DAPK1: variants seen among roughly 807,000 people sequenced by gnomAD.
DAPK1 encodes the protein death-associated protein kinase 1.
Under a neutral mutation model 144.9 loss-of-function variants are expected in DAPK1, and 56 were observed. The ratio of observed to expected loss-of-function variants is 0.39; its 90% CI spans 0.31 to 0.48. DAPK1 has a LOEUF of 0.48. DAPK1 is among the 20% of genes least tolerant of loss of function. DAPK1 has a pLI of 0.95. For synonymous variants in DAPK1, 690 were observed against 749.0 expected (o/e 0.92, Z 1.29); for missense variants, 1,454 against 1,875.4 (o/e 0.78, Z 4.15).
chr9:87,647,510 G>A (rs2274606), intron 14 of DAPK1, 107 bp downstream of exon 14: 88,488 of 916,792 alleles, frequency 0.097, 4,826 homozygotes, highest in Middle Eastern at 0.13. Context: ...AAGGAATCAG[G>A]ACCAGAATTC....
At chr9:87,672,333 G>T (rs1824200502) in intron 19 of DAPK1, among the ~76,000 whole-genome samples, 1 of 152,172 alleles carries the variant, frequency 6.6e-6, no homozygotes, top group Admixed American at 6.5e-5. Context: ...GAATGTTGCT[G>T]CAGGAAACCT....
chr9:87,641,321 G>C (rs1830085432), intron 9 of DAPK1, among the ~76,000 whole-genome samples: 1 of 152,168 alleles, frequency 6.6e-6, no homozygotes, highest in Non-Finnish European at 1.5e-5. Context: ...TACCTGCCTG[G>C]CCTGGTTGAC....
intron 2 of DAPK1, among the ~76,000 whole-genome samples, chr9:87,530,270 G>A (rs1825656499): frequency 6.6e-6 from 1 of 152,214 alleles, no homozygotes; most frequent in Non-Finnish European, 1.5e-5. Context: ...AAGTCCTGGG[G>A]AAGCAGTTGA....
intron 2 of DAPK1, among the ~76,000 whole-genome samples, chr9:87,570,888 TC>T (rs1223183171): frequency 6.6e-6 from 1 of 152,144 alleles, no homozygotes. Context: ...TCAGTTTGCT[TC>T]CCTTGCTTAC....
intron 3 of DAPK1, among the ~76,000 whole-genome samples, chr9:87,636,691 T>C (rs1829906348): frequency 6.6e-6 from 1 of 152,214 alleles, no homozygotes; most frequent in Non-Finnish European, 1.5e-5. Context: ...TTACTCTGAA[T>C]GGATGTAGAT....
At chr9:87,561,396 G>A (rs1826916680) in intron 2 of DAPK1, among the ~76,000 whole-genome samples, 1 of 151,980 alleles carries the variant, frequency 6.6e-6, no homozygotes, top group Non-Finnish European at 1.5e-5. Flanking sequence ...CGTTGTGGCG[G>A]GCGCCTGTGG....
chr9:87,698,937 T>C (rs1825367130), intron 23 of DAPK1, 143 bp downstream of exon 23: 1 of 597,856 alleles, frequency 1.7e-6, no homozygotes, highest in South Asian at 2.1e-5. Context: ...ACTCTTTTCT[T>C]GTACAGGTCT....
Sources: gnomAD v4.1 joint callset for allele counts (sites outside exome capture counted in the v4.1 genomes callset) on GRCh38, gnomAD v4.1.1 for gene constraint, MANE v1.5 for transcripts, NCBI Gene and HGNC (gene_info 2026-07-23, HGNC 2026-07-21) for gene names.